FOXO3: variants seen among roughly 807,000 people sequenced by gnomAD.
FOXO3 encodes the protein forkhead box O3.
A neutral mutation model predicts 41.9 loss-of-function variants in FOXO3; 4 were observed. The observed-to-expected ratio is 0.10, with a 90% confidence interval of 0.05 to 0.22. The LOEUF (loss-of-function observed/expected upper bound fraction) is 0.22, where lower values mean the gene tolerates loss of function less well. Ranked by LOEUF, FOXO3 falls within the 10% of genes least tolerant of loss-of-function variation. The probability of loss-of-function intolerance (pLI) is 1.00; values close to 1 mark genes in which losing one functional copy is unlikely to be tolerated. For missense variants in FOXO3, 534 were observed against 906.8 expected (o/e 0.59, Z 5.28); for synonymous variants, 318 against 389.3 (o/e 0.82, Z 2.16).
At chr6:108,611,081 C>T (rs563372288) in intron 1 of FOXO3, among the ~76,000 whole-genome samples, 5 of 147,728 alleles carry the variant, frequency 3.4e-5, no homozygotes, top group African/African-American at 1.0e-4. Context: ...TCTAGAATTT[C>T]GTATAAATGT....
chr6:108,606,903 A>T (rs1330578744), intron 1 of FOXO3, among the ~76,000 whole-genome samples: 2 of 152,222 alleles, frequency 1.3e-5, no homozygotes, highest in African/African-American at 2.4e-5. Flanking sequence ...GAGTAAGTTG[A>T]AGAAGACAAT....
rs181711293 is a variant in FOXO3, at chr6:108,585,621, C to G, written c.621+23792C>G. 1.4e-3 allele frequency among the ~76,000 whole-genome samples: 207 copies of G among 152,340 alleles called. 2 individuals are homozygous for G. The highest frequency in any genetic ancestry group is 4.6e-3 in the African/African-American group (192 of 41,586). On this transcript the variant is annotated intron_variant, in intron 1 of 2. Coordinates refer to ENST00000406360, the MANE Select transcript of FOXO3 (RefSeq NM_001455.4). ...AGCAGAACAGGGCTGGGCTCTTGAT[C>G]CTGAGACAGCTGGGAGTCTGCAAGG... is the stretch of plus-strand genomic sequence containing the variant.
At chr6:108,613,086 A>G (rs1409502510) in intron 1 of FOXO3, among the ~76,000 whole-genome samples, 1 of 152,248 alleles carries the variant, frequency 6.6e-6, no homozygotes, top group Non-Finnish European at 1.5e-5. Flanking sequence ...TGTTAAACCA[A>G]CCTTACATTC....
intron 1 of FOXO3, among the ~76,000 whole-genome samples, chr6:108,610,948 C>A (rs190207009): frequency 1.3e-5 from 2 of 152,218 alleles, no homozygotes; most frequent in Non-Finnish European, 2.9e-5. Flanking sequence ...TTGTATAACA[C>A]CACAATTACG....
chr6:108,632,956 A>C (rs1029695499), intron 1 of FOXO3, among the ~76,000 whole-genome samples: 2 of 152,196 alleles, frequency 1.3e-5, no homozygotes, highest in African/African-American at 4.8e-5. Flanking sequence ...TTGTCTGCCC[A>C]GTTGCCACCA....
intron 1 of FOXO3, among the ~76,000 whole-genome samples, chr6:108,657,652 A>G (rs1778726619): frequency 6.6e-6 from 1 of 152,228 alleles, no homozygotes; most frequent in African/African-American, 2.4e-5. Context: ...AGAAATTTAG[A>G]CTATTTGGTA....
At chr6:108,663,077 A>G (rs1778918317) in intron 1 of FOXO3, among the ~76,000 whole-genome samples, 1 of 152,190 alleles carries the variant, frequency 6.6e-6, no homozygotes, top group Admixed American at 6.5e-5. Flanking sequence ...AGGCAGCTTT[A>G]AAAAATGAGG....
At chr6:108,616,041 G>A (rs947367220) in intron 1 of FOXO3, among the ~76,000 whole-genome samples, 2 of 150,528 alleles carry the variant, frequency 1.3e-5, no homozygotes, top group African/African-American at 4.9e-5. Flanking sequence ...AGGCTGGAGT[G>A]CAATGGCGCA....
Position 108,642,685 on chromosome 6 carries a change from C to A in FOXO3, c.622-20770C>A, listed in dbSNP as rs80160842. Among the ~76,000 whole-genome samples the A allele has an allele frequency of 4.2e-3, 645 of 152,254 alleles. 4 individuals are homozygous for A. The highest frequency in any genetic ancestry group is 0.015 in the African/African-American group (618 of 41,548). ...TAAAAAAAGTTCGGCAGCTCTCATC[C>A]AATTCAAGGCTAGCAAACGACAGGA... On this transcript the variant is annotated intron_variant, in intron 1 of 2. Coordinates refer to ENST00000406360, the MANE Select transcript of FOXO3 (RefSeq NM_001455.4).
chr6:108,585,249 TA>T (rs1776548258), intron 1 of FOXO3, among the ~76,000 whole-genome samples: 1 of 152,110 alleles, frequency 6.6e-6, no homozygotes, highest in African/African-American at 2.4e-5. Context: ...TTCACCCCGT[TA>T]GCCAGGATGG....
At chr6:108,618,040 G>A (rs536019915) in intron 1 of FOXO3, 206 of 682,262 alleles carry the variant, frequency 3.0e-4, no homozygotes, top group Non-Finnish European at 5.3e-4. Flanking sequence ...CACGTCAATC[G>A]TATCTTCATT....
At position 108,663,865 on chromosome 6, in the gene FOXO3, G is replaced by A. The variant is rs760685861; in HGVS notation, c.1032G>A (p.Ser344=). Residue 344 remains serine (S), a synonymous_variant, in exon 2 of 3, where the codon TCG becomes TCA. Coordinates refer to ENST00000406360, the MANE Select transcript of FOXO3 (RefSeq NM_001455.4). ...TCCAGGACGATGATGCGCCTCTCTC[G>A]CCCATGCTCTACAGCAGCTCAGCCA... is the stretch of plus-strand genomic sequence containing the variant. ...DEVQDDDAPL[S]PMLYSSSASL... 131 of 1,613,884 alleles carry A rather than the reference G, an allele frequency of 8.1e-5. No individual in the cohort carries two copies. In the Middle Eastern group the frequency reaches 8.2e-4, roughly 10 times the overall value.
At chr6:108,585,246 C>T (rs936101566) in intron 1 of FOXO3, among the ~76,000 whole-genome samples, 11 of 151,906 alleles carry the variant, frequency 7.2e-5, no homozygotes, top group African/African-American at 1.9e-4. Context: ...GGTTTCACCC[C>T]GTTAGCCAGG....
intron 1 of FOXO3, among the ~76,000 whole-genome samples, chr6:108,576,675 G>T (rs1421763292): frequency 6.6e-6 from 1 of 152,176 alleles, no homozygotes; most frequent in African/African-American, 2.4e-5. Context: ...AATCTGTTTA[G>T]CTTATAATGC....
At chr6:108,560,627 A>G (rs1775746161), upstream of FOXO3, among the ~76,000 whole-genome samples, 2 of 152,114 alleles carry the variant, frequency 1.3e-5, no homozygotes, top group Admixed American at 6.5e-5. Flanking sequence ...AGCCGAAGAC[A>G]GCACAGACTT....
At chr6:108,595,232 G>GT (rs1236425002) in intron 1 of FOXO3, among the ~76,000 whole-genome samples, 13 of 152,278 alleles carry the variant, frequency 8.5e-5, no homozygotes, top group African/African-American at 3.1e-4. Context: ...GCATAATTGT[G>GT]TTTTTAGGTA....
chr6:108,581,419 C>T (rs1776417053), intron 1 of FOXO3, among the ~76,000 whole-genome samples: 1 of 152,042 alleles, frequency 6.6e-6, no homozygotes, highest in Non-Finnish European at 1.5e-5. Context: ...GGGGTGATGG[C>T]TGGGTTTGGA....
At chr6:108,651,988 A>G (rs1778559122) in intron 1 of FOXO3, among the ~76,000 whole-genome samples, 1 of 152,226 alleles carries the variant, frequency 6.6e-6, no homozygotes, top group Non-Finnish European at 1.5e-5. Flanking sequence ...CCTGTTTCAG[A>G]TTAAGCCTCA....
Position 108,561,184 on chromosome 6 carries a change from A to G in FOXO3, c.-25A>G. On this transcript the variant is annotated 5_prime_UTR_variant, in exon 1 of 3. Coordinates refer to ENST00000406360, the MANE Select transcript of FOXO3 (RefSeq NM_001455.4). ...CGCGAGAGGAGAGCGCGAGAGCCCC[A>G]GCCGCGGGCGGGCGGGCGGCGAAGA... The G allele has an allele frequency of 6.5e-7, 1 of 1,526,906 alleles. No individual in the cohort carries two copies. Among genetic ancestry groups the G allele is most frequent in the South Asian group, 1.2e-5 (1 of 82,350 alleles). The allele number at this position is 1,526,906 out of a possible 1,614,324, so 94.6% of individuals were successfully genotyped here. A position where few individuals can be genotyped will look rare whatever the true frequency, so the allele number is the denominator to read the frequency against.
Sources: allele counts gnomAD v4.1 joint callset (sites outside exome capture counted in the v4.1 genomes callset), GRCh38; gene constraint gnomAD v4.1.1; transcripts MANE v1.5; gene names NCBI Gene and HGNC (gene_info 2026-07-23, HGNC 2026-07-21).